Variants in SYCE1L observed in about 807,000 individuals in gnomAD.
SYCE1L encodes synaptonemal complex central element protein 1 like.
SYCE1L carries 51 observed loss-of-function variants against 39.6 expected under a neutral mutation model. The ratio of observed to expected loss-of-function variants is 1.29; its 90% CI spans 1.03 to 1.63. The LOEUF is 1.63. Among genes scored for constraint, SYCE1L ranks in the 40% most tolerant of loss-of-function variants. The probability of loss-of-function intolerance (pLI) is 0.00; values close to 1 mark genes in which losing one functional copy is unlikely to be tolerated. For missense variants in SYCE1L, 426 were observed against 304.9 expected (o/e 1.40, Z -2.96); for synonymous variants, 147 against 122.4 (o/e 1.20, Z -1.33).
At chr16:77,210,620 G>A (rs1030971593) in intron 6 of SYCE1L, among the ~76,000 whole-genome samples, 2 of 152,126 alleles carry the variant, frequency 1.3e-5, no homozygotes, top group South Asian at 4.2e-4. Flanking sequence ...GGGTCTCGGT[G>A]AAGTAACAGA....
intron 1 of SYCE1L, among the ~76,000 whole-genome samples, chr16:77,202,819 A>G (rs1244494510): frequency 7.3e-6 from 1 of 136,252 alleles, no homozygotes; most frequent in East Asian, 2.8e-4. Context: ...AATAGGGTGA[A>G]TATTAATGAT....
In SYCE1L at chr16:77,212,617, G is replaced by A. The variant is rs749241925; in HGVS notation, c.625G>A (p.Ala209Thr). 2.6e-6 allele frequency: 4 copies of A among 1,535,310 alleles called. No homozygotes were observed. Among genetic ancestry groups the A allele is most frequent in the Non-Finnish European group, 3.5e-6 (4 of 1,146,274 alleles). Reference sequence around the variant, plus strand: ...GATATTCGGGGAGCAGGTCCGGAGCGCCCCCGAGGTCGGGGCCGGCGAGGG... The same window carrying A: ...GATATTCGGGGAGCAGGTCCGGAGCACCCCCGAGGTCGGGGCCGGCGAGGG... ...LEIFGEQVRS[A>T]PEVGAGEGEA... The change falls in exon 10 of 11, where the codon GCC becomes ACC. Residue 209 changes from alanine (A) to threonine (T), a missense_variant. By Grantham distance (58) the Ala-to-Thr change is moderately conservative. Transcript: ENST00000378644.
At chr16:77,211,143 T>C in intron 6 of SYCE1L, 70 bp from the exon 7 acceptor site, 1 of 1,508,306 alleles carries the variant, frequency 6.6e-7, no homozygotes, top group Admixed American at 2.0e-5. Context: ...TGAAGGCCTG[T>C]GCATGAGGAG....
At chr16:77,211,714 A>T (rs910825667) in intron 7 of SYCE1L, among the ~76,000 whole-genome samples, 2 of 152,164 alleles carry the variant, frequency 1.3e-5, no homozygotes, top group Non-Finnish European at 2.9e-5. Flanking sequence ...CGGTGGAGGC[A>T]CCAAGAAAGT....
At position 77,212,281 on chromosome 16, in the gene SYCE1L, G is replaced by A; in HGVS notation, c.494-1G>A. The A allele has an allele frequency of 2.0e-6, 3 of 1,520,194 alleles. No individual in the cohort carries two copies. Among genetic ancestry groups the A allele is most frequent in the Non-Finnish European group, 2.6e-6 (3 of 1,134,656 alleles). 94.2% of individuals were successfully genotyped at this position (1,520,194 alleles called of 1,614,324 possible). ...TGCCCCTGACGCCCGCCCACCGACA[G>A]GGAGGCTGGTGCGCGCCAAGCTGCG... On this transcript the variant is annotated splice_acceptor_variant, in intron 8 of 10. Transcript: ENST00000378644. LOFTEE classifies it high-confidence loss of function.
chr16:77,201,327 A>T (rs1308950493), intron 1 of SYCE1L: 1 of 152,208 alleles, frequency 6.6e-6, no homozygotes, highest in Non-Finnish European at 1.5e-5. Flanking sequence ...TAAAAAAAAA[A>T]TTTTAGTATC....
rs1230549752 is a variant in SYCE1L at position 77,206,548 on chromosome 16, G to A, written c.121+48G>A. ...AGCCTCAGCCTGGGGTTTCAAGTCA[G>A]AAAGACATGGTACAAATTCAGCCCC... On this transcript the variant is annotated intron_variant, in intron 2 of 10. Transcript: ENST00000378644. 2.0e-5 allele frequency: 30 copies of A among 1,537,822 alleles called. No homozygotes were observed. The East Asian group carries it at 5.9e-4, about 30-fold the overall frequency.
Position 77,212,068 on chromosome 16 carries a change from AG to A in SYCE1L, c.424-58del. ...GACTTCGCGAGAAGCACAAAAGGGG[AG>A]GGGCGGGCCGTGTAGCCAAGAGGAC... On this transcript the variant is annotated intron_variant, in intron 7 of 10. Transcript: ENST00000378644. 3 of 1,492,424 alleles carry A rather than the reference AG, an allele frequency of 2.0e-6. No individual in the cohort carries two copies. The South Asian group carries it at 3.8e-5, about 19-fold the overall frequency. 92.4% of individuals were successfully genotyped at this position (1,492,424 alleles called of 1,614,324 possible).
Position 77,212,735 on chromosome 16 carries a change from G to A in SYCE1L, c.654+89G>A, listed in dbSNP as rs2054834457. The stretch of plus-strand genomic sequence containing the variant: ...GTCCTGGGAGCGGCCCCCGAGAGTG[G>A]GGTCTGTGGGGAGCAGGGCGGCCCC... On this transcript the variant is annotated intron_variant, in intron 10 of 10. Transcript: ENST00000378644. 3.5e-6 allele frequency: 5 copies of A among 1,432,874 alleles called. No homozygotes were observed. In the East Asian group the frequency reaches 1.3e-4, roughly 37 times the overall value. 88.8% of individuals were successfully genotyped at this position (1,432,874 alleles called of 1,614,324 possible).
At position 77,203,592 on chromosome 16, in the gene SYCE1L, CTTTTTTTT is replaced by C. The variant is rs57339044; in HGVS notation, c.62-2839_62-2832del. ...CCCTAAGGTATCTTCAAGTTACTTCCTTTTTTTTTTTTTTTTTGAGATGTAGTTTTTTG... is the reference window on the plus strand; with the variant it reads ...CCCTAAGGTATCTTCAAGTTACTTCCTTTTTTTTTGAGATGTAGTTTTTTG... On this transcript the variant is annotated intron_variant, in intron 1 of 10. Transcript: ENST00000378644. Among the ~76,000 whole-genome samples, 4 of 120,612 alleles carry C rather than the reference CTTTTTTTT, an allele frequency of 3.3e-5. No homozygotes were observed. The East Asian group carries it at 9.8e-4, about 30-fold the overall frequency. 79.1% of individuals were successfully genotyped at this position (120,612 alleles called of 152,430 possible).
chr16:77,202,364 C>G (rs1446012210), intron 1 of SYCE1L: 2 of 152,162 alleles, frequency 1.3e-5, no homozygotes, highest in Non-Finnish European at 2.9e-5. Context: ...TTGTGTACAT[C>G]TGCAATTGTT....
Position 77,199,490 on chromosome 16 carries a change from AG to A in SYCE1L, c.40del (p.Glu14LysfsTer13). The A allele has an allele frequency of 6.4e-7, 1 of 1,551,492 alleles. No homozygotes were observed. Among genetic ancestry groups the A allele is most frequent in the Non-Finnish European group, 8.7e-7 (1 of 1,146,960 alleles). ...KLKPLNVEAP[E>X]ATEEAEGQAK... ...TGAAACCTCTGAATGTGGAGGCGCC[AG>A]AAGCTACTGAGGAGGCTGAAGGTAG... is the stretch of plus-strand genomic sequence containing the variant. On this transcript the variant is annotated frameshift_variant, in exon 1 of 11. Transcript: ENST00000378644. LOFTEE classifies it high-confidence loss of function.
intron 6 of SYCE1L, 43 bp from the exon 7 acceptor site, chr16:77,211,170 A>G (rs2054819602): frequency 6.5e-7 from 1 of 1,550,052 alleles, no homozygotes; most frequent in African/African-American, 1.4e-5. Context: ...ACAGGGTGTC[A>G]GGCCTAGCAT....
At chr16:77,200,274 G>GTGTATA (rs1254014728) in intron 1 of SYCE1L, 1 of 113,568 alleles carries the variant, frequency 8.8e-6, no homozygotes, top group Admixed American at 8.7e-5. Flanking sequence ...ATATATATGT[G>GTGTATA]TATATATATA....
intron 2 of SYCE1L, among the ~76,000 whole-genome samples, chr16:77,207,415 G>C (rs1222063571): frequency 4.1e-5 from 2 of 48,940 alleles, no homozygotes; most frequent in Non-Finnish European, 7.7e-5. Flanking sequence ...ACTGAAACAG[G>C]GGCTATGAGA....
chr16:77,212,223 C>CG (rs961063827), intron 8 of SYCE1L, 24 bp downstream of exon 8: 11 of 1,540,982 alleles, frequency 7.1e-6, no homozygotes, highest in Non-Finnish European at 7.0e-6. Flanking sequence ...GCCAGGTGGG[C>CG]GGGGGGAGGG....
intron 1 of SYCE1L, among the ~76,000 whole-genome samples, chr16:77,203,209 C>G (rs2054759030): frequency 6.6e-6 from 1 of 152,098 alleles, no homozygotes; most frequent in Non-Finnish European, 1.5e-5. Context: ...TACTAAAAGA[C>G]CAAGTGTTGT....
Position 77,199,526 on chromosome 16 carries a change from G to A in SYCE1L, c.61+14G>A. On this transcript the variant is annotated intron_variant, in intron 1 of 10. Coordinates refer to ENST00000378644, the MANE Select transcript of SYCE1L (RefSeq NM_001129979.3). Reference sequence around the variant, plus strand: ...AGGAGGCTGAAGGTAGTGAGGGCAAGTGGGCTGCACTCCTTTCTCTCCAAC... The same window carrying A: ...AGGAGGCTGAAGGTAGTGAGGGCAAATGGGCTGCACTCCTTTCTCTCCAAC... 3 of 1,547,612 alleles carry A rather than the reference G, an allele frequency of 1.9e-6. No individual in the cohort carries two copies. Among genetic ancestry groups the A allele is most frequent in the Non-Finnish European group, 2.6e-6 (3 of 1,143,478 alleles).
intron 5 of SYCE1L, 61 bp downstream of exon 5, chr16:77,209,205 C>T (rs1233268608): frequency 1.3e-6 from 2 of 1,528,722 alleles, no homozygotes; most frequent in African/African-American, 2.8e-5. Flanking sequence ...AGTCTATGCT[C>T]CTCAGAGCAG....
Sources: allele counts gnomAD v4.1 joint callset (sites outside exome capture counted in the v4.1 genomes callset), GRCh38; gene constraint gnomAD v4.1.1; transcripts MANE v1.5; gene names NCBI Gene and HGNC (gene_info 2026-07-23, HGNC 2026-07-21).